The following PPAN variants were observed in gnomAD, a reference collection of about 807,000 sequenced individuals.
PPAN encodes the protein suppressor of SWI4 1 homolog.
A neutral mutation model predicts 48.5 loss-of-function variants in PPAN; 39 were observed. The observed-to-expected ratio is 0.80, with a 90% CI of 0.62 to 1.05. PPAN has a LOEUF of 1.05. Among genes scored for constraint, PPAN ranks in the 50% least tolerant of loss-of-function variants. The probability of loss-of-function intolerance (pLI) is 0.00; values close to 1 mark genes in which losing one functional copy is unlikely to be tolerated. For missense variants in PPAN, 736 were observed against 661.7 expected (o/e 1.11, Z -1.23); for synonymous variants, 315 against 268.6 (o/e 1.17, Z -1.69).
rs749806481 is a variant in PPAN at position 10,110,672 on chromosome 19, T to C, written c.1032-25T>C. 5.0e-6 allele frequency: 8 copies of C among 1,612,204 alleles called. No homozygotes were observed. Among genetic ancestry groups the C allele is most frequent in the Non-Finnish European group, 6.8e-6 (8 of 1,179,310 alleles). On this transcript the variant is annotated intron_variant, in intron 10 of 11. Transcript: ENST00000253107. This position sits in a 1 kb window ranked among gnomAD's most constrained non-coding sequence, Gnocchi z 5.9. ...GGGGGGTCCCTGGGATGGGCGGCTA[T>C]GTTGACCCCCACGCCCTCCTCCAGA... is the stretch of plus-strand genomic sequence containing the variant.
Position 10,110,647 on chromosome 19 carries a change from G to A in PPAN, c.1031+33G>A. The A allele has an allele frequency of 1.9e-6, 3 of 1,611,016 alleles. No individual in the cohort carries two copies. The highest frequency in any genetic ancestry group is 2.2e-5 in the East Asian group (1 of 44,812). ...CAGAGCTGGGAAGGGCAGGGCCAAGGGGGGGTCCCTGGGATGGGCGGCTAT... is the reference window on the plus strand; with the variant it reads ...CAGAGCTGGGAAGGGCAGGGCCAAGAGGGGGTCCCTGGGATGGGCGGCTAT... On this transcript the variant is annotated intron_variant, in intron 10 of 11. Transcript: ENST00000253107. The surrounding 1 kb of genome is among the most constrained non-coding windows in gnomAD (Gnocchi z 5.9).
rs182090136 is a variant in PPAN at position 10,110,435 on chromosome 19, T to C, written c.901+33T>C. On this transcript the variant is annotated intron_variant, in intron 9 of 11. Coordinates refer to ENST00000253107, the MANE Select transcript of PPAN (RefSeq NM_020230.7). This position sits in a 1 kb window ranked among gnomAD's most constrained non-coding sequence, Gnocchi z 5.9. Reference sequence around the variant, plus strand: ...CGGGGCCGCCGGGGGTGGGGGGTCATGGGTGTGGAGCTGCACCCGGATCTT... The same window carrying C: ...CGGGGCCGCCGGGGGTGGGGGGTCACGGGTGTGGAGCTGCACCCGGATCTT... The C allele has an allele frequency of 3.6e-3, 5,836 of 1,612,324 alleles. 352 individuals carry two copies. In the Admixed American group the frequency reaches 0.093, roughly 26 times the overall value.
Position 10,109,946 on chromosome 19 carries a change from C to T in PPAN, c.624C>T (p.Arg208=), listed in dbSNP as rs140229341. 5.6e-4 allele frequency: 906 copies of T among 1,614,058 alleles called. No individual in the cohort carries two copies. The highest frequency in any genetic ancestry group is 6.5e-4 in the Non-Finnish European group (768 of 1,179,948). ...SIKVVPVGAS[R]GMKKLLQEKF... is the part of the protein sequence containing the mutation. Reference sequence around the variant, plus strand: ...AAGTTGTTCCTGTGGGCGCGAGTCGCGGGATGAAGAAGCTGCTCCAGGAGA... The same window carrying T: ...AAGTTGTTCCTGTGGGCGCGAGTCGTGGGATGAAGAAGCTGCTCCAGGAGA... Residue 208 remains arginine, a synonymous_variant, in exon 7 of 12, where the codon CGC becomes CGT. Transcript: ENST00000253107.
At chr19:10,109,827 G>T (rs908367201) in intron 6 of PPAN, 86 bp from the exon 7 acceptor site, 3 of 1,593,628 alleles carry the variant, frequency 1.9e-6, no homozygotes, top group Admixed American at 3.4e-5. Flanking sequence ...ACGCCCTGAC[G>T]CACTGTGGGA....
rs1037184615 is a variant in PPAN at position 10,106,740 on chromosome 19, C to G, written c.189+69C>G. On this transcript the variant is annotated intron_variant, in intron 2 of 11. Transcript: ENST00000253107. Reference sequence around the variant, plus strand: ...AGTCTTCGTAGCTGCAGTAATGGCTCCCGCTGTAAAACTGTGGGAGGACTT... The same window carrying G: ...AGTCTTCGTAGCTGCAGTAATGGCTGCCGCTGTAAAACTGTGGGAGGACTT... 9 of 1,470,308 alleles carry G rather than the reference C, an allele frequency of 6.1e-6. No homozygotes were observed. The Middle Eastern group carries it at 9.8e-4, about 160-fold the overall frequency. The allele number at this position is 1,470,308 out of a possible 1,614,324, so 91.1% of individuals were successfully genotyped here.
chr19:10,107,488 C>A lies in PPAN; in HGVS notation c.190-17C>A, dbSNP rs779529233. 2 of 1,609,190 alleles carry A rather than the reference C, an allele frequency of 1.2e-6. No homozygotes were observed. The highest frequency in any genetic ancestry group is 1.7e-6 in the Non-Finnish European group (2 of 1,179,010). On this transcript the variant is annotated splice_polypyrimidine_tract_variant and intron_variant, in intron 2 of 11. Transcript: ENST00000253107. ...GGGATAAGCTATGTTTTCTTTTTTT[C>A]TTTTTGTCATTTCCAGGTTCGTAAG...
chr19:10,106,663 C>G lies in PPAN; in HGVS notation c.181C>G (p.Arg61Gly), dbSNP rs944679778. The G allele has an allele frequency of 1.3e-6, 2 of 1,536,502 alleles. No individual in the cohort carries two copies. The highest frequency in any genetic ancestry group is 1.2e-5 in the South Asian group (1 of 83,828). ...GGTCATGGAGCCGCTCACTGCCAGC[C>G]GTCTGCAGGTTTGTACCCCACCCCC... ...RRVMEPLTAS[R>G]LQVRKKNSLK... The change falls in exon 2 of 12, where the codon CGT becomes GGT. Residue 61 changes from arginine (R) to glycine (G), a missense_variant. Arg to Gly is a moderately radical substitution (Grantham distance 125, BLOSUM62 -2). Coordinates refer to ENST00000253107, the MANE Select transcript of PPAN (RefSeq NM_020230.7).
At position 10,108,077 on chromosome 19, in the gene PPAN, T is replaced by C; in HGVS notation, c.456T>C (p.His152=). The change falls in exon 5 of 12, where the codon CAT becomes CAC. Residue 152 remains histidine (H), a synonymous_variant. Coordinates refer to ENST00000253107, the MANE Select transcript of PPAN (RefSeq NM_020230.7). ...VLNSFGPHGM[H]VKLMATMFQN... ...ACAGCTTTGGCCCCCATGGTATGCA[T>C]GTGAAGCTCATGGCCACCATGTTCC... 1 of 1,614,046 alleles carries C rather than the reference T, an allele frequency of 6.2e-7. No individual in the cohort carries two copies. Among genetic ancestry groups the C allele is most frequent in the Non-Finnish European group, 8.5e-7 (1 of 1,179,976 alleles).
intron 5 of PPAN, 135 bp downstream of exon 5, chr19:10,108,269 A>ATCCCACTCCTGTG: frequency 7.6e-7 from 1 of 1,318,332 alleles, no homozygotes; most frequent in South Asian, 1.6e-5. Flanking sequence ...CTGAGGTCAA[A>ATCCCACTCCTGTG]TCCCACTCCT....
rs758612324 is a variant in PPAN at position 10,108,092 on chromosome 19, C to T, written c.471C>T (p.Ala157=). The part of the protein sequence containing the change: ...GPHGMHVKLM[A]TMFQNLFPSI... Reference sequence around the variant, plus strand: ...ATGGTATGCATGTGAAGCTCATGGCCACCATGTTCCAGAACCTGTTCCCCT... The same window carrying T: ...ATGGTATGCATGTGAAGCTCATGGCTACCATGTTCCAGAACCTGTTCCCCT... Residue 157 remains alanine, a synonymous_variant, in exon 5 of 12, where the codon GCC becomes GCT. Coordinates refer to ENST00000253107, the MANE Select transcript of PPAN (RefSeq NM_020230.7). 6.2e-7 allele frequency: 1 copy of T among 1,613,636 alleles called. No homozygotes were observed. Among genetic ancestry groups the T allele is most frequent in the South Asian group, 1.1e-5 (1 of 91,024 alleles).
At chr19:10,108,892 T>C (rs1467870409) in intron 5 of PPAN, among the ~76,000 whole-genome samples, 1 of 152,048 alleles carries the variant, frequency 6.6e-6, no homozygotes, top group Non-Finnish European at 1.5e-5. Flanking sequence ...AGATGGGACT[T>C]ATAAATTATA....
intron 2 of PPAN, chr19:10,106,965 T>G (rs765092433): frequency 3.2e-6 from 2 of 632,408 alleles, no homozygotes; most frequent in Admixed American, 2.4e-5. Context: ...TGCGGGAGGA[T>G]CACTTGAGCC....
At chr19:10,106,757 G>C (rs2088842877) in intron 2 of PPAN, 86 bp downstream of exon 2, 1 of 1,455,884 alleles carries the variant, frequency 6.9e-7, no homozygotes, top group Non-Finnish European at 9.1e-7. Context: ...TAAAACTGTG[G>C]GAGGACTTAA....
intron 5 of PPAN, among the ~76,000 whole-genome samples, chr19:10,108,430 C>T (rs968247026): frequency 6.6e-6 from 1 of 152,222 alleles, no homozygotes; most frequent in East Asian, 1.9e-4. Flanking sequence ...ATCGTAGCAT[C>T]TCTTCTTAGG....
chr19:10,110,857 C>G lies in PPAN; in HGVS notation c.1192C>G (p.Pro398Ala). 1 of 1,613,158 alleles carries G rather than the reference C, an allele frequency of 6.2e-7. No homozygotes were observed. The part of the protein sequence containing the change: ...EYFCQAVGEA[P>A]SEDLFPEAKQ... ...TTTCTGCCAGGCGGTGGGCGAGGCGCCCAGTGAGGGTATGGAGTGGGGTCT... is the reference window on the plus strand; with the variant it reads ...TTTCTGCCAGGCGGTGGGCGAGGCGGCCAGTGAGGGTATGGAGTGGGGTCT... The change falls in exon 11 of 12, where the codon CCC becomes GCC. Residue 398 changes from proline (P) to alanine (A), a missense_variant. Pro to Ala is a conservative substitution (Grantham distance 27). Coordinates refer to ENST00000253107, the MANE Select transcript of PPAN (RefSeq NM_020230.7). This position sits in a 1 kb window ranked among gnomAD's most constrained non-coding sequence, Gnocchi z 5.9.
chr19:10,110,533 A>G lies in PPAN; in HGVS notation c.950A>G (p.Lys317Arg). ...ELQAILEAKEKKLRLKAQRQA... is the reference protein window; with the variant it reads ...ELQAILEAKERKLRLKAQRQA... The stretch of plus-strand genomic sequence containing the variant: ...CAGGCCATCCTGGAAGCCAAGGAGA[A>G]GAAGCTGCGGCTGAAGGCGCAGAGG... The change falls in exon 10 of 12, where the codon AAG becomes AGG. Residue 317 changes from lysine (K) to arginine (R), a missense_variant. Coordinates refer to ENST00000253107, the MANE Select transcript of PPAN (RefSeq NM_020230.7). The surrounding 1 kb of genome is among the most constrained non-coding windows in gnomAD (Gnocchi z 5.9). 3 of 1,612,118 alleles carry G rather than the reference A, an allele frequency of 1.9e-6. No homozygotes were observed. The South Asian group carries it at 3.3e-5, about 18-fold the overall frequency.
chr19:10,107,056 G>T (rs1026879766), intron 2 of PPAN: 8 of 503,618 alleles, frequency 1.6e-5, no homozygotes, highest in African/African-American at 1.3e-4. Context: ...ATATGGTGTT[G>T]CGTGCCTGTA....
chr19:10,108,430 CTCT>C (rs975583104), intron 5 of PPAN, among the ~76,000 whole-genome samples: 5 of 152,104 alleles, frequency 3.3e-5, no homozygotes, highest in African/African-American at 9.7e-5. Context: ...ATCGTAGCAT[CTCT>C]TCTTAGGGCC....
Position 10,107,583 on chromosome 19 carries a change from A to G in PPAN, c.268A>G (p.Lys90Glu). The G allele has an allele frequency of 1.9e-6, 3 of 1,614,190 alleles. No individual in the cohort carries two copies. Among genetic ancestry groups the G allele is most frequent in the Middle Eastern group, 1.6e-4 (1 of 6,062 alleles). Reference sequence around the variant, plus strand: ...GGTCACACACTTTCTGATCCTGAGCAAAACAGAGACCAATGTCTACTTTGT... The same window carrying G: ...GGTCACACACTTTCTGATCCTGAGCGAAACAGAGACCAATGTCTACTTTGT... The part of the protein sequence containing the change: ...LGVTHFLILS[K>E]TETNVYFKLM... Residue 90 changes from lysine (K) to glutamate (E), a missense_variant, in exon 3 of 12, where the codon AAA (lysine) becomes GAA (glutamate). Lys to Glu is a moderately conservative substitution (Grantham distance 56, BLOSUM62 1). Coordinates refer to ENST00000253107, the MANE Select transcript of PPAN (RefSeq NM_020230.7).
Sources: gnomAD v4.1 joint callset for allele counts (sites outside exome capture counted in the v4.1 genomes callset) on GRCh38, gnomAD v4.1.1 for gene constraint, Gnocchi (gnomAD v3.1) non-coding constraint, MANE v1.5 for transcripts, NCBI Gene and HGNC (gene_info 2026-07-23, HGNC 2026-07-21) for gene names.